Variants in RBFOX1 observed in about 807,000 individuals in gnomAD.
RBFOX1 encodes the protein RNA binding fox-1 homolog 1.
A neutral mutation model predicts 57.7 loss-of-function variants in RBFOX1; 8 were observed. The ratio of observed to expected loss-of-function variants is 0.14; its 90% CI spans 0.08 to 0.25. The LOEUF (loss-of-function observed/expected upper bound fraction) is 0.25. Among genes scored for constraint, RBFOX1 ranks in the 10% least tolerant of loss-of-function variants. The pLI, the probability that RBFOX1 is intolerant of heterozygous loss-of-function variation, is 1.00. For synonymous variants in RBFOX1, 326 were observed against 222.4 expected (o/e 1.47, Z -4.15); for missense variants, 611 against 548.5 (o/e 1.11, Z -1.14).
At chr16:6,750,382 C>G (rs977899872) in intron 3 of RBFOX1, among the ~76,000 whole-genome samples, 2 of 152,174 alleles carry the variant, frequency 1.3e-5, no homozygotes, top group Non-Finnish European at 2.9e-5. Context: ...TTAATTGCAA[C>G]TGGGCTTAAA....
intron 2 of RBFOX1, among the ~76,000 whole-genome samples, chr16:6,540,471 G>C (rs1209009514): frequency 6.6e-6 from 1 of 151,840 alleles, no homozygotes; most frequent in African/African-American, 2.4e-5. Flanking sequence ...AATTAGCCAG[G>C]TGTGGTGGCA....
intron 1 of RBFOX1, among the ~76,000 whole-genome samples, chr16:6,165,035 T>G (rs1310710320): frequency 6.6e-6 from 1 of 152,210 alleles, no homozygotes; most frequent in African/African-American, 2.4e-5. Flanking sequence ...TTGTTTTAAC[T>G]TAAGCATTTG....
chr16:6,725,288 T>G (rs1163044589), intron 3 of RBFOX1, among the ~76,000 whole-genome samples: 4 of 152,004 alleles, frequency 2.6e-5, no homozygotes, highest in African/African-American at 9.7e-5. Context: ...CCTGACCTCG[T>G]GATCCACCCA....
chr16:7,356,964 T>C (rs2097225838), intron 4 of RBFOX1, among the ~76,000 whole-genome samples: 1 of 152,196 alleles, frequency 6.6e-6, no homozygotes, highest in Non-Finnish European at 1.5e-5. Context: ...CTAGTTTCTG[T>C]TCTTTGTGTG....
chr16:7,578,739 G>T (rs2093522855), intron 5 of RBFOX1, among the ~76,000 whole-genome samples: 1 of 151,628 alleles, frequency 6.6e-6, no homozygotes, highest in Non-Finnish European at 1.5e-5. Flanking sequence ...TGATGTGGAT[G>T]GCATTTACTG....
chr16:7,397,572 G>C (rs1018858832), intron 4 of RBFOX1, among the ~76,000 whole-genome samples: 22 of 152,180 alleles, frequency 1.4e-4, no homozygotes, highest in Non-Finnish European at 2.6e-4. Context: ...GTACCAAAGA[G>C]TCAGAACTGA....
intron 4 of RBFOX1, among the ~76,000 whole-genome samples, chr16:7,427,747 G>A (rs552524136): frequency 4.0e-5 from 6 of 151,856 alleles, no homozygotes; most frequent in East Asian, 3.9e-4. Flanking sequence ...TCCACCTCCC[G>A]GGTTCTAGTG....
intron 3 of RBFOX1, among the ~76,000 whole-genome samples, chr16:5,727,661 G>A (rs1596992706): frequency 6.6e-6 from 1 of 152,012 alleles, no homozygotes; most frequent in Admixed American, 6.6e-5. Context: ...GGTGACCACA[G>A]TTCTACTCTG....
Position 5,734,130 on chromosome 16 carries a change from A to G in RBFOX1, c.319-133173A>G, listed in dbSNP as rs2052487510. On this transcript the variant is annotated intron_variant, in intron 3 of 19. Coordinates refer to the RBFOX1 transcript ENST00000641259. ...TACCTGGTTTCATGTTCTTCTCCTT[A>G]CCTGTTGGGTCTCTGAGATAGGTGT... Among the ~76,000 whole-genome samples the G allele has an allele frequency of 2.0e-5, 3 of 152,054 alleles. No individual in the cohort carries two copies. The South Asian group carries it at 6.2e-4, about 32-fold the overall frequency.
intron 14 of RBFOX1, among the ~76,000 whole-genome samples, chr16:7,704,227 A>G (rs1483412145): frequency 1.3e-5 from 2 of 152,166 alleles, no homozygotes; most frequent in Non-Finnish European, 2.9e-5. Context: ...ACTTGTTGCT[A>G]AAGGTCAAAA....
intron 3 of RBFOX1, among the ~76,000 whole-genome samples, chr16:7,007,528 G>T (rs1411499146): frequency 6.6e-6 from 1 of 152,144 alleles, no homozygotes; most frequent in Non-Finnish European, 1.5e-5. Flanking sequence ...ATTAGGACAT[G>T]GGTATCTTGG....
intron 1 of RBFOX1, among the ~76,000 whole-genome samples, chr16:6,307,577 A>G (rs1263133263): frequency 6.7e-6 from 1 of 148,576 alleles, no homozygotes; most frequent in Non-Finnish European, 1.5e-5. Context: ...ATAATATATA[A>G]TAGAGAAAAT....
intron 7 of RBFOX1, among the ~76,000 whole-genome samples, chr16:7,592,252 T>G (rs11077202): frequency 0.53 from 80,882 of 152,118 alleles, 25,547 homozygotes; most frequent in Non-Finnish European, 0.69. Context: ...TGTATTCTCT[T>G]TGCTTAAAAA....
At chr16:5,918,568 A>G (rs866229681) in intron 4 of RBFOX1, among the ~76,000 whole-genome samples, 1 of 152,358 alleles carries the variant, frequency 6.6e-6, no homozygotes, top group African/African-American at 2.4e-5. Context: ...CTCACTATCT[A>G]TAACAAAATT....
At chr16:5,657,921 G>A (rs573644414) in intron 3 of RBFOX1, among the ~76,000 whole-genome samples, 2 of 151,646 alleles carry the variant, frequency 1.3e-5, no homozygotes, top group Non-Finnish European at 2.9e-5. Context: ...TAGTAGAGAC[G>A]AGGTTTCGCC....
chr16:6,603,267 G>A (rs141645424), intron 2 of RBFOX1, among the ~76,000 whole-genome samples: 41 of 152,174 alleles, frequency 2.7e-4, no homozygotes, highest in Non-Finnish European at 3.7e-4. Context: ...GACTGACCCC[G>A]GGGAAAGGCA....
intron 3 of RBFOX1, among the ~76,000 whole-genome samples, chr16:5,710,411 C>G (rs999111035): frequency 2.6e-5 from 4 of 152,132 alleles, no homozygotes; most frequent in Non-Finnish European, 4.4e-5. Context: ...GCTTGGTAGC[C>G]TTGCGCAGTT....
chr16:6,885,176 G>A (rs1445194147), intron 3 of RBFOX1, among the ~76,000 whole-genome samples: 2 of 152,164 alleles, frequency 1.3e-5, no homozygotes, highest in Non-Finnish European at 2.9e-5. Flanking sequence ...TTCCCAGGTA[G>A]TAATTCCCAA....
intron 4 of RBFOX1, among the ~76,000 whole-genome samples, chr16:7,206,292 T>C (rs1313851265): frequency 1.3e-5 from 2 of 152,104 alleles, no homozygotes; most frequent in Non-Finnish European, 2.9e-5. Flanking sequence ...TAATGGGAAG[T>C]AGGTGAAAGT....
Sources: gnomAD v4.1 joint callset for allele counts (sites outside exome capture counted in the v4.1 genomes callset) on GRCh38, gnomAD v4.1.1 for gene constraint, MANE v1.5 for transcripts, NCBI Gene and HGNC (gene_info 2026-07-23, HGNC 2026-07-21) for gene names.